TMEM175: variants seen among roughly 807,000 people sequenced by gnomAD.
TMEM175 encodes the protein endosomal/lysosomal proton channel TMEM175.
Under a neutral mutation model 36.5 loss-of-function variants are expected in TMEM175, and 36 were observed. The ratio of observed to expected loss-of-function variants is 0.99; its 90% confidence interval spans 0.76 to 1.30. The LOEUF (loss-of-function observed/expected upper bound fraction) is 1.30, where lower values mean the gene tolerates loss of function less well. Ranked by LOEUF, TMEM175 falls within the 50% of genes most tolerant of loss-of-function variation. TMEM175 has a pLI of 0.00. For missense variants in TMEM175, 705 were observed against 692.8 expected (o/e 1.02, Z -0.20); for synonymous variants, 339 against 313.4 (o/e 1.08, Z -0.86).
In TMEM175 at chr4:953,315, C is replaced by T; in HGVS notation, c.588C>T (p.Cys196=). The part of the protein sequence containing the change: ...LGIVLQGPAL[C]FAAAIFSLFF... ...TCGTCCTCCAAGGCCCGGCCCTGTG[C>T]TTTGCAGCGGCCATCTTCTCTCTCT... The change falls in exon 8 of 11, where the codon TGC becomes TGT. Residue 196 remains cysteine (C), a synonymous_variant. Transcript: ENST00000264771. 1 of 1,613,900 alleles carries T rather than the reference C, an allele frequency of 6.2e-7. No individual in the cohort carries two copies. Among genetic ancestry groups the T allele is most frequent in the Non-Finnish European group, 8.5e-7 (1 of 1,179,876 alleles).
At chr4:953,084 C>T (rs558168869) in intron 7 of TMEM175, 106 bp from the exon 8 acceptor site, 12 of 1,251,994 alleles carry the variant, frequency 9.6e-6, no homozygotes, top group Admixed American at 2.7e-5. Context: ...AGGTCCTCCC[C>T]ACCTCGAGAC....
chr4:935,857 A>G (rs1197256726), intron 1 of TMEM175, among the ~76,000 whole-genome samples: 1 of 152,258 alleles, frequency 6.6e-6, no homozygotes, highest in African/African-American at 2.4e-5. Flanking sequence ...TGGAAACTGA[A>G]TAACTCACTT....
intron 10 of TMEM175, 133 bp downstream of exon 10, chr4:956,023 T>C: frequency 2.5e-6 from 3 of 1,199,588 alleles, no homozygotes; most frequent in Non-Finnish European, 3.5e-6. Flanking sequence ...TAGAGTTTTG[T>C]GTGAGGTCAG....
intron 1 of TMEM175, among the ~76,000 whole-genome samples, chr4:944,702 G>A (rs927154043): frequency 2.6e-5 from 4 of 152,108 alleles, no homozygotes; most frequent in Non-Finnish European, 5.9e-5. Flanking sequence ...TCAACATTTT[G>A]TTTTATAGTT....
chr4:948,098 G>A lies in TMEM175; in HGVS notation c.154-18G>A, dbSNP rs761629307. 2 of 1,614,112 alleles carry A rather than the reference G, an allele frequency of 1.2e-6. No homozygotes were observed. Among genetic ancestry groups the A allele is most frequent in the Middle Eastern group, 1.7e-4 (1 of 6,060 alleles). ...GTCTCTTGCTCTCCTGCTTCCTTCT[G>A]TCTCTTTGCCCCCTCAGATCCTGCC... On this transcript the variant is annotated intron_variant, in intron 2 of 10. Transcript: ENST00000264771.
At chr4:956,447 T>G (rs976800198) in intron 10 of TMEM175, 6 of 1,211,306 alleles carry the variant, frequency 5.0e-6, no homozygotes, top group Non-Finnish European at 6.5e-6. Flanking sequence ...TGTGGGGTTT[T>G]TTTTTTTTTT....
At chr4:950,564 TCCCGTA>T in intron 4 of TMEM175, 46 bp downstream of exon 4, 1 of 1,426,806 alleles carries the variant, frequency 7.0e-7, no homozygotes, top group Non-Finnish European at 9.9e-7. Context: ...CTCTCAAGGT[TCCCGTA>T]CCCCGCACCA....
intron 1 of TMEM175, among the ~76,000 whole-genome samples, chr4:947,358 C>G (rs922819866): frequency 6.6e-6 from 1 of 152,156 alleles, no homozygotes; most frequent in Non-Finnish European, 1.5e-5. Context: ...GGTCAAGGGC[C>G]CCGCAGGGTG....
intron 1 of TMEM175, among the ~76,000 whole-genome samples, chr4:940,217 G>A (rs573489896): frequency 6.6e-6 from 1 of 152,320 alleles, no homozygotes; most frequent in Admixed American, 6.5e-5. Flanking sequence ...CGGAGGCCAA[G>A]GCAGTCAGAT....
chr4:958,296 C>T lies in TMEM175; in HGVS notation c.1315C>T (p.Leu439=). 6.2e-7 allele frequency: 1 copy of T among 1,606,212 alleles called. No individual in the cohort carries two copies. Among genetic ancestry groups the T allele is most frequent in the Non-Finnish European group, 8.5e-7 (1 of 1,179,788 alleles). Residue 439 remains leucine, a synonymous_variant, in exon 11 of 11, where the codon CTG becomes TTG. Transcript: ENST00000264771. ...ASLLAFASTC[L]LSRFSVGIFH... ...CCTGCTGGCCTTCGCCTCCACCTGC[C>T]TGCTGAGCAGGTTCAGTGTGGGCAT...
At chr4:955,288 A>T (rs915630884) in intron 8 of TMEM175, 117 bp from the exon 9 acceptor site, 3 of 739,572 alleles carry the variant, frequency 4.1e-6, no homozygotes, top group Admixed American at 4.3e-5. Flanking sequence ...CAGATACATG[A>T]TCTGCAAAGA....
chr4:956,370 G>T, intron 10 of TMEM175: 1 of 1,290,672 alleles, frequency 7.7e-7, no homozygotes. Flanking sequence ...CTGCTCCTCC[G>T]CGGCCTCATC....
chr4:941,429 C>T (rs1727485666), intron 1 of TMEM175, among the ~76,000 whole-genome samples: 2 of 146,508 alleles, frequency 1.4e-5, no homozygotes, highest in South Asian at 4.3e-4. Flanking sequence ...GTACTTTCTG[C>T]TCTATTTTTC....
At chr4:956,014 A>G in intron 10 of TMEM175, 124 bp downstream of exon 10, 4 of 1,279,260 alleles carry the variant, frequency 3.1e-6, no homozygotes, top group Non-Finnish European at 4.3e-6. Context: ...CTGGATGCCT[A>G]GAGTTTTGTG....
At chr4:952,511 T>C in intron 7 of TMEM175, 61 bp downstream of exon 7, 2 of 1,292,324 alleles carry the variant, frequency 1.5e-6, no homozygotes, top group East Asian at 2.6e-5. Context: ...TGTGTGTGTG[T>C]GTGTGTGATC....
At chr4:950,662 C>T (rs1048798801) in intron 4 of TMEM175, 144 bp downstream of exon 4, 1 of 506,878 alleles carries the variant, frequency 2.0e-6, no homozygotes, top group African/African-American at 2.8e-5. Context: ...GCAGGACTTA[C>T]CCCAAACCCA....
chr4:941,364 G>A lies in TMEM175; in HGVS notation c.-31-6345G>A, dbSNP rs1305065839. Among the ~76,000 whole-genome samples the A allele has an allele frequency of 8.7e-5, 9 of 104,034 alleles. No individual in the cohort carries two copies. The South Asian group carries it at 1.1e-3, about 13-fold the overall frequency. The allele number at this position is 104,034 out of a possible 152,430, so 68.3% of individuals were successfully genotyped here. ...GCACTCCAGCCTGGGTAGCAAGAGC[G>A]AAACTCTGTCTCAAAAAAAAAAAAA... On this transcript the variant is annotated intron_variant, in intron 1 of 10. Coordinates refer to ENST00000264771, the MANE Select transcript of TMEM175 (RefSeq NM_032326.4).
At chr4:934,660 A>G (rs1247456693) in intron 1 of TMEM175, among the ~76,000 whole-genome samples, 1 of 152,232 alleles carries the variant, frequency 6.6e-6, no homozygotes, top group Admixed American at 6.5e-5. Context: ...GGGAGCTACA[A>G]GGGTGATGTA....
At chr4:956,014 A>C (rs1729576705) in intron 10 of TMEM175, 124 bp downstream of exon 10, 9 of 1,279,260 alleles carry the variant, frequency 7.0e-6, no homozygotes, top group Non-Finnish European at 9.7e-6. Flanking sequence ...CTGGATGCCT[A>C]GAGTTTTGTG....
Sources: gnomAD v4.1 joint callset for allele counts (sites outside exome capture counted in the v4.1 genomes callset) on GRCh38, gnomAD v4.1.1 for gene constraint, MANE v1.5 for transcripts, NCBI Gene and HGNC (gene_info 2026-07-23, HGNC 2026-07-21) for gene names.